Variants in SDK1 observed in about 807,000 individuals in gnomAD.
SDK1 encodes the protein protein sidekick-1.
A neutral mutation model predicts 245.5 loss-of-function variants in SDK1; 157 were observed. The observed-to-expected ratio is 0.64, with a 90% CI of 0.56 to 0.73. SDK1 has a LOEUF of 0.73. Among genes scored for constraint, SDK1 ranks in the 30% least tolerant of loss-of-function variants. The pLI, the probability that SDK1 is intolerant of heterozygous loss-of-function variation, is 0.00. For missense variants in SDK1, 3,583 were observed against 3,002.3 expected (o/e 1.19, Z -4.52); for synonymous variants, 1,647 against 1,278.5 (o/e 1.29, Z -6.15).
chr7:3,572,457 G>T (rs1780146321), intron 1 of SDK1, among the ~76,000 whole-genome samples: 1 of 151,938 alleles, frequency 6.6e-6, no homozygotes, highest in South Asian at 2.1e-4. Context: ...TCTGACTGGG[G>T]AATTTCCTAT....
At chr7:3,867,499 T>G (rs1171604602) in intron 5 of SDK1, among the ~76,000 whole-genome samples, 3 of 152,150 alleles carry the variant, frequency 2.0e-5, no homozygotes, top group African/African-American at 7.2e-5. Context: ...CTCACAATCA[T>G]GGTGGAAGGC....
chr7:4,140,700 A>G (rs1779527239), intron 28 of SDK1, among the ~76,000 whole-genome samples: 1 of 152,146 alleles, frequency 6.6e-6, no homozygotes, highest in Non-Finnish European at 1.5e-5. Flanking sequence ...CAAATGTGAA[A>G]TGGAAACAGG....
chr7:3,551,528 T>G (rs773238635), intron 1 of SDK1, among the ~76,000 whole-genome samples: 7 of 152,094 alleles, frequency 4.6e-5, no homozygotes, highest in Non-Finnish European at 8.8e-5. Flanking sequence ...GTGCATCAGT[T>G]AAACTGAAAG....
chr7:3,449,778 G>T (rs1159025020), intron 1 of SDK1, among the ~76,000 whole-genome samples: 1 of 152,218 alleles, frequency 6.6e-6, no homozygotes, highest in African/African-American at 2.4e-5. Flanking sequence ...AATATTTACT[G>T]AACATCAGCT....
chr7:3,363,397 T>G (rs575846233), intron 1 of SDK1, among the ~76,000 whole-genome samples: 1 of 152,188 alleles, frequency 6.6e-6, no homozygotes, highest in African/African-American at 2.4e-5. Context: ...TTTCCATGTT[T>G]CGGTGGTTAC....
intron 14 of SDK1, among the ~76,000 whole-genome samples, chr7:4,008,460 C>G (rs1400646543): frequency 1.3e-5 from 2 of 152,134 alleles, no homozygotes; most frequent in African/African-American, 4.8e-5. Flanking sequence ...TTATTCCTGA[C>G]GCAAGTCCTG....
intron 17 of SDK1, among the ~76,000 whole-genome samples, chr7:4,024,513 T>C (rs996193483): frequency 2.0e-5 from 3 of 152,240 alleles, no homozygotes; most frequent in Non-Finnish European, 2.9e-5. Flanking sequence ...TGGGCTTCCT[T>C]TGGTCTTTTA....
At chr7:3,503,228 A>C (rs1162716223) in intron 1 of SDK1, among the ~76,000 whole-genome samples, 1 of 152,242 alleles carries the variant, frequency 6.6e-6, no homozygotes, top group Non-Finnish European at 1.5e-5. Context: ...AAGAAGAAGT[A>C]AGAAATTACT....
intron 1 of SDK1, among the ~76,000 whole-genome samples, chr7:3,307,370 T>A (rs1779442702): frequency 6.6e-6 from 1 of 152,158 alleles, no homozygotes; most frequent in African/African-American, 2.4e-5. Flanking sequence ...GGTTCTTCAG[T>A]GAATCCCTGA....
At chr7:3,949,059 C>T (rs574285754) in intron 5 of SDK1, among the ~76,000 whole-genome samples, 7 of 152,204 alleles carry the variant, frequency 4.6e-5, no homozygotes, top group African/African-American at 1.4e-4. Context: ...CATCCGGACT[C>T]TGCCATCTTC....
chr7:3,835,482 A>C (rs1780009976), intron 5 of SDK1, among the ~76,000 whole-genome samples: 1 of 152,168 alleles, frequency 6.6e-6, no homozygotes, highest in Non-Finnish European at 1.5e-5. Context: ...TCACTTGGAA[A>C]TTAAATTAAC....
chr7:4,098,687 A>C (rs1253539020), intron 22 of SDK1, among the ~76,000 whole-genome samples: 2 of 151,748 alleles, frequency 1.3e-5, no homozygotes, highest in African/African-American at 4.8e-5. Context: ...GTTTTGAGAT[A>C]GGGTCTCGCT....
At chr7:3,340,437 A>G (rs1388180969) in intron 1 of SDK1, among the ~76,000 whole-genome samples, 5 of 152,192 alleles carry the variant, frequency 3.3e-5, no homozygotes, top group Non-Finnish European at 7.3e-5. Flanking sequence ...CAGCGTTGTC[A>G]CTAATCTTCA....
In SDK1 at chr7:4,017,192, C is replaced by A. The variant is rs367971108; in HGVS notation, c.2442C>A (p.Pro814=). ...GCAGGTACCGCCTGGCTGGCCTTCC[C>A]GGAGAGTACCAGCAGCGGAACATCA... The part of the protein sequence containing the change: ...YILRYRLAGL[P]GEYQQRNITS... Residue 814 remains proline, a synonymous_variant, in exon 17 of 45, where the codon CCC becomes CCA. Transcript: ENST00000404826. 1 of 1,612,436 alleles carries A rather than the reference C, an allele frequency of 6.2e-7. No individual in the cohort carries two copies. Among genetic ancestry groups the A allele is most frequent in the South Asian group, 1.1e-5 (1 of 90,808 alleles).
intron 40 of SDK1, among the ~76,000 whole-genome samples, chr7:4,227,997 T>C (rs1785539893): frequency 6.6e-6 from 1 of 152,186 alleles, no homozygotes; most frequent in South Asian, 2.1e-4. Context: ...TTTTCAAGGA[T>C]CTTCAATATT....
chr7:4,182,372 A>G (rs933308576), intron 35 of SDK1, among the ~76,000 whole-genome samples: 1 of 152,168 alleles, frequency 6.6e-6, no homozygotes. Context: ...CATTAGACCA[A>G]GGCTGCTTCA....
Position 4,127,427 on chromosome 7 carries a change from G to A in SDK1, c.3870G>A (p.Ser1290=), listed in dbSNP as rs144535926. The A allele has an allele frequency of 4.9e-5, 79 of 1,614,040 alleles. No homozygotes were observed. Among genetic ancestry groups the A allele is most frequent in the Admixed American group, 4.5e-4 (27 of 60,000 alleles). Residue 1290 remains serine (S), a synonymous_variant, in exon 26 of 45, where the codon TCG becomes TCA. Coordinates refer to ENST00000404826, the MANE Select transcript of SDK1 (RefSeq NM_152744.4). ...PENVSAEAVS[S]TQILLTWTSV... is the part of the protein sequence containing the mutation. ...ACGTGTCAGCCGAGGCTGTCAGCTC[G>A]ACCCAGATTTTACTGACATGGACAT...
intron 1 of SDK1, among the ~76,000 whole-genome samples, chr7:3,354,018 A>G (rs1162733580): frequency 2.1e-5 from 3 of 145,306 alleles, no homozygotes; most frequent in Non-Finnish European, 4.5e-5. Context: ...TTTGGGACAG[A>G]CTCTCGCTCT....
intron 17 of SDK1, among the ~76,000 whole-genome samples, chr7:4,025,179 A>G (rs1787243057): frequency 6.6e-6 from 1 of 152,204 alleles, no homozygotes; most frequent in Non-Finnish European, 1.5e-5. Context: ...TTCCCTATCC[A>G]CGAGTGTATT....
Sources: allele counts gnomAD v4.1 joint callset (sites outside exome capture counted in the v4.1 genomes callset), GRCh38; gene constraint gnomAD v4.1.1; transcripts MANE v1.5; gene names NCBI Gene and HGNC (gene_info 2026-07-23, HGNC 2026-07-21).